Variants in WDR49 observed in about 807,000 individuals in gnomAD.
WDR49 encodes the protein WD repeat domain 49, also known as cilia- and flagella-associated protein 337.
A neutral mutation model predicts 119.5 loss-of-function variants in WDR49; 107 were observed. That is an observed-to-expected ratio of 0.90 (90% CI 0.77 to 1.05). WDR49 has a LOEUF of 1.05. Ranked by LOEUF, WDR49 falls within the 50% of genes least tolerant of loss-of-function variation. The pLI, the probability that WDR49 is intolerant of heterozygous loss-of-function variation, is 0.00. For synonymous variants in WDR49, 425 were observed against 418.8 expected (o/e 1.01, Z -0.18); for missense variants, 1,240 against 1,220.5 (o/e 1.02, Z -0.24).
intron 18 of WDR49, among the ~76,000 whole-genome samples, chr3:167,480,919 G>A (rs577754920): frequency 7.2e-5 from 11 of 152,166 alleles, no homozygotes; most frequent in South Asian, 6.2e-4. Context: ...GGTTTGGATC[G>A]GTGAAATAGA....
intron 3 of WDR49, among the ~76,000 whole-genome samples, chr3:167,625,755 T>C (rs1717102348): frequency 6.6e-6 from 1 of 151,998 alleles, no homozygotes; most frequent in African/African-American, 2.4e-5. Context: ...TCTGAAACGA[T>C]GCAAGGCTTT....
At position 167,522,212 on chromosome 3, in the gene WDR49, G is replaced by C. The variant is rs1752475817; in HGVS notation, c.2774+103C>G. The C allele has an allele frequency of 2.6e-6, 3 of 1,160,298 alleles. No individual in the cohort carries two copies. The South Asian group carries it at 5.6e-5, about 22-fold the overall frequency. The allele number at this position is 1,160,298 out of a possible 1,614,324, so 71.9% of individuals were successfully genotyped here. On this transcript the variant is annotated intron_variant, in intron 16 of 18. Transcript: ENST00000682715. ...CAAATTTTGGAGAAATCTTGAGGTA[G>C]TCATTGAACATTCCACAGAGGACAC... is the stretch of plus-strand genomic sequence containing the variant.
intron 9 of WDR49, among the ~76,000 whole-genome samples, chr3:167,557,054 G>A (rs539079136): frequency 1.3e-4 from 19 of 151,814 alleles, no homozygotes; most frequent in Non-Finnish European, 2.2e-4. Context: ...AAAATTAGCC[G>A]AGCATGGTGG....
rs1718476298 is a variant in WDR49 at position 167,653,284 on chromosome 3, CAA to C, written c.140_141del (p.Phe47CysfsTer8). The C allele has an allele frequency of 6.5e-7, 1 of 1,536,048 alleles. No individual in the cohort carries two copies. On this transcript the variant is annotated frameshift_variant, in exon 2 of 19. Coordinates refer to ENST00000682715, the MANE Select transcript of WDR49 (RefSeq NM_001366157.1). LOFTEE classifies it high-confidence loss of function. ...LLENQLSVGD[F>X]VKIQKAFESP... ...ACCTCAAAGGCCTTCTGTATTTTTA[CAA>C]AGTCACCCACGCTGAGTTGGTTTTC...
intron 7 of WDR49, among the ~76,000 whole-genome samples, chr3:167,587,581 G>A (rs532236150): frequency 5.3e-5 from 8 of 152,230 alleles, no homozygotes; most frequent in African/African-American, 1.7e-4. Flanking sequence ...AGCCTACCAG[G>A]CTTAGATGAT....
At chr3:167,579,323 C>T (rs1714417866) in intron 7 of WDR49, among the ~76,000 whole-genome samples, 1 of 152,168 alleles carries the variant, frequency 6.6e-6, no homozygotes, top group African/African-American at 2.4e-5. Flanking sequence ...AAAGATCAAA[C>T]AGGATATGCC....
At chr3:167,491,079 A>G (rs976977535) in intron 18 of WDR49, among the ~76,000 whole-genome samples, 3 of 152,052 alleles carry the variant, frequency 2.0e-5, no homozygotes, top group Non-Finnish European at 4.4e-5. Context: ...CCTTTCTCCC[A>G]GGATCGTTGG....
chr3:167,565,624 G>C (rs1037576991), intron 8 of WDR49, among the ~76,000 whole-genome samples: 17 of 152,108 alleles, frequency 1.1e-4, no homozygotes, highest in African/African-American at 3.9e-4. Context: ...AAGCCAACCA[G>C]ATACTTGGGT....
intron 2 of WDR49, among the ~76,000 whole-genome samples, chr3:167,636,764 T>C (rs1372994503): frequency 5.3e-5 from 8 of 151,938 alleles, no homozygotes; most frequent in Non-Finnish European, 1.2e-4. Context: ...CATTTTTTCA[T>C]ATGATTGTTA....
chr3:167,486,411 C>A lies in WDR49; in HGVS notation c.3032-7415G>T, dbSNP rs75101437. ...TCAAAATCTCACATACAAGTACTAA[C>A]CCTGAATGTAAATGGGCTAAACACC... is the stretch of plus-strand genomic sequence containing the variant. On this transcript the variant is annotated intron_variant, in intron 18 of 18. Coordinates refer to ENST00000682715, the MANE Select transcript of WDR49 (RefSeq NM_001366157.1). Among the ~76,000 whole-genome samples the A allele has an allele frequency of 7.2e-5, 11 of 152,152 alleles. No homozygotes were observed. In the East Asian group the frequency reaches 1.2e-3, roughly 16 times the overall value.
At chr3:167,624,070 G>T (rs773744822) in intron 3 of WDR49, among the ~76,000 whole-genome samples, 5 of 151,848 alleles carry the variant, frequency 3.3e-5, no homozygotes, top group Non-Finnish European at 7.4e-5. Flanking sequence ...AATGGGAAAA[G>T]ATTTGGATAG....
At chr3:167,534,115 A>G (rs1311301747) in intron 11 of WDR49, among the ~76,000 whole-genome samples, 1 of 152,050 alleles carries the variant, frequency 6.6e-6, no homozygotes, top group African/African-American at 2.4e-5. Flanking sequence ...GAATCACTTG[A>G]ACCCTGGAGG....
Position 167,531,163 on chromosome 3 carries a change from C to T in WDR49, c.2170G>A (p.Val724Ile), listed in dbSNP as rs1560271234. Residue 724 changes from valine (V) to isoleucine (I), a missense_variant, in exon 13 of 19, where the codon GTT becomes ATT. Coordinates refer to ENST00000682715, the MANE Select transcript of WDR49 (RefSeq NM_001366157.1). ...FEIDTEGKNA[V>I]MRLCFLKARK... ...GCTTTAAGAAAGCAAAGTCTCATAA[C>T]AGCATTTTTGCCCTCAGTGTCAATC... 3 of 1,612,412 alleles carry T rather than the reference C, an allele frequency of 1.9e-6. No homozygotes were observed. Among genetic ancestry groups the T allele is most frequent in the Non-Finnish European group, 2.5e-6 (3 of 1,179,506 alleles).
intron 16 of WDR49, among the ~76,000 whole-genome samples, chr3:167,508,910 C>T (rs1751869637): frequency 6.6e-6 from 1 of 152,016 alleles, no homozygotes; most frequent in Admixed American, 6.6e-5. Context: ...TTTAATTTCT[C>T]ACATGAAATC....
intron 9 of WDR49, among the ~76,000 whole-genome samples, chr3:167,555,063 G>C (rs1483841329): frequency 6.6e-6 from 1 of 152,040 alleles, no homozygotes; most frequent in Non-Finnish European, 1.5e-5. Flanking sequence ...TCCAGGCTGG[G>C]GAGCCCTAAA....
At chr3:167,528,050 A>C (rs1752699668) in intron 14 of WDR49, 33 bp from the exon 15 acceptor site, 8 of 1,570,736 alleles carry the variant, frequency 5.1e-6, no homozygotes, top group Non-Finnish European at 7.0e-6. Flanking sequence ...ACTCTAAAAA[A>C]TTCAAATATG....
At chr3:167,575,162 A>T (rs1714167096) in intron 8 of WDR49, 3 of 985,328 alleles carry the variant, frequency 3.0e-6, no homozygotes, top group Non-Finnish European at 2.4e-6. Flanking sequence ...TGTTACCATC[A>T]GGCCTGACGG....
chr3:167,505,398 A>G lies in WDR49; in HGVS notation c.2793T>C (p.Asp931=). The G allele has an allele frequency of 6.6e-7, 1 of 1,522,744 alleles. No individual in the cohort carries two copies. Among genetic ancestry groups the G allele is most frequent in the Non-Finnish European group, 8.7e-7 (1 of 1,144,320 alleles). 94.3% of individuals were successfully genotyped at this position (1,522,744 alleles called of 1,614,324 possible). A position where few individuals can be genotyped will look rare whatever the true frequency, so the allele number is the denominator to read the frequency against. Residue 931 remains aspartate (D), a synonymous_variant, in exon 17 of 19, where the codon GAT becomes GAC. Coordinates refer to ENST00000682715, the MANE Select transcript of WDR49 (RefSeq NM_001366157.1). ...DSTYNVRPSE[D]INLDIKYKER... ...CCTTATATTTTATATCTAAATTTATATCTTCTGATGGTCTGACACTGGAAG... is the reference window on the plus strand; with the variant it reads ...CCTTATATTTTATATCTAAATTTATGTCTTCTGATGGTCTGACACTGGAAG...
At chr3:167,576,719 G>A (rs1286622221) in intron 7 of WDR49, among the ~76,000 whole-genome samples, 1 of 152,138 alleles carries the variant, frequency 6.6e-6, no homozygotes, top group Non-Finnish European at 1.5e-5. Flanking sequence ...CTCCCCCAGA[G>A]CCACCAGAAA....
Sources: allele counts gnomAD v4.1 joint callset (sites outside exome capture counted in the v4.1 genomes callset), GRCh38; gene constraint gnomAD v4.1.1; transcripts MANE v1.5; gene names NCBI Gene and HGNC (gene_info 2026-07-23, HGNC 2026-07-21).